MACROD2: variants seen among roughly 807,000 people sequenced by gnomAD.
The protein encoded by MACROD2 is mono-ADP ribosylhydrolase 2.
In MACROD2, 36 loss-of-function variants were observed where a neutral mutation model predicts 70.4. That is an observed-to-expected ratio of 0.51 (90% CI 0.39 to 0.68). The LOEUF (loss-of-function observed/expected upper bound fraction) is 0.68. Among genes scored for constraint, MACROD2 ranks in the 30% least tolerant of loss-of-function variants. The pLI, the probability that MACROD2 is intolerant of heterozygous loss-of-function variation, is 0.00. For missense variants in MACROD2, 496 were observed against 538.4 expected (o/e 0.92, Z 0.78); for synonymous variants, 172 against 178.8 (o/e 0.96, Z 0.30).
rs79141759 is a variant in MACROD2, at chr20:14,655,755, T to A, written c.302-29088T>A. Among the ~76,000 whole-genome samples, 282 of 152,314 alleles carry A rather than the reference T, an allele frequency of 1.9e-3. 1 individual carries two copies. The highest frequency in any genetic ancestry group is 6.5e-3 in the African/African-American group (271 of 41,554). ...GATTAACATAATAATCAAATAGAAA[T>A]TAACTTCCTGTGATTCATCAGTAAA... On this transcript the variant is annotated intron_variant, in intron 4 of 17. Coordinates refer to ENST00000684519, the MANE Select transcript of MACROD2 (RefSeq NM_001351661.2).
intron 3 of MACROD2, among the ~76,000 whole-genome samples, chr20:14,444,100 A>G (rs1421173681): frequency 6.6e-6 from 1 of 152,186 alleles, no homozygotes; most frequent in African/African-American, 2.4e-5. Context: ...TTATTCATAA[A>G]AACTATATAA....
intron 3 of MACROD2, among the ~76,000 whole-genome samples, chr20:14,396,033 G>T (rs1251433824): frequency 6.6e-6 from 1 of 152,170 alleles, no homozygotes; most frequent in African/African-American, 2.4e-5. Context: ...GGGACTACAG[G>T]TGTGTGCCAC....
intron 8 of MACROD2, among the ~76,000 whole-genome samples, chr20:15,739,777 G>C (rs2051077418): frequency 6.6e-6 from 1 of 152,102 alleles, no homozygotes; most frequent in South Asian, 2.1e-4. Context: ...ATGATAGAAG[G>C]GTAAGGAATG....
intron 11 of MACROD2, among the ~76,000 whole-genome samples, chr20:15,934,200 T>A (rs2065623126): frequency 3.3e-5 from 5 of 152,362 alleles, no homozygotes; most frequent in Admixed American, 2.6e-4. Flanking sequence ...TGAGCCCTAC[T>A]GTTTGCCAAG....
intron 6 of MACROD2, among the ~76,000 whole-genome samples, chr20:15,416,449 C>T (rs547514109): frequency 8.5e-5 from 13 of 152,268 alleles, no homozygotes; most frequent in South Asian, 2.1e-4. Flanking sequence ...ATTACCTTTA[C>T]GTATTGAATC....
At chr20:15,915,902 A>T (rs1286982790) in intron 10 of MACROD2, among the ~76,000 whole-genome samples, 1 of 152,168 alleles carries the variant, frequency 6.6e-6, no homozygotes, top group Non-Finnish European at 1.5e-5. Flanking sequence ...GTTTCTTGGA[A>T]GGAAATCCCC....
intron 2 of MACROD2, among the ~76,000 whole-genome samples, chr20:14,031,257 C>T (rs1395750312): frequency 2.6e-5 from 4 of 152,104 alleles, no homozygotes; most frequent in Non-Finnish European, 5.9e-5. Flanking sequence ...CTAGATTTCT[C>T]TGGTTTTATT....
chr20:15,695,760 T>C (rs2050359699), intron 8 of MACROD2, among the ~76,000 whole-genome samples: 1 of 151,750 alleles, frequency 6.6e-6, no homozygotes, highest in African/African-American at 2.4e-5. Flanking sequence ...AGAGGTCTTT[T>C]GACTCCTTTG....
At chr20:14,685,114 G>C in intron 5 of MACROD2, 155 bp downstream of exon 5, 1 of 523,430 alleles carries the variant, frequency 1.9e-6, no homozygotes, top group Non-Finnish European at 3.4e-6. Context: ...TGCTTTCCAA[G>C]TATGTCTCCA....
chr20:14,872,452 C>A (rs934642498), intron 5 of MACROD2, among the ~76,000 whole-genome samples: 7 of 152,086 alleles, frequency 4.6e-5, no homozygotes, highest in African/African-American at 1.7e-4. Context: ...GTTTCTCTCA[C>A]ATGATGTCTG....
intron 8 of MACROD2, among the ~76,000 whole-genome samples, chr20:15,835,322 TCCTC>T (rs2064101741): frequency 6.6e-6 from 1 of 152,100 alleles, no homozygotes; most frequent in Non-Finnish European, 1.5e-5. Context: ...ACAAATTTCT[TCCTC>T]CCCCCTTTTC....
At chr20:15,625,051 T>TAAAA (rs2049182997) in intron 8 of MACROD2, among the ~76,000 whole-genome samples, 1 of 152,188 alleles carries the variant, frequency 6.6e-6, no homozygotes, top group South Asian at 2.1e-4. Flanking sequence ...AGGGATAAAA[T>TAAAA]AAAACCCCCT....
At chr20:16,045,215 C>T (rs921061906) in intron 17 of MACROD2, among the ~76,000 whole-genome samples, 10 of 151,850 alleles carry the variant, frequency 6.6e-5, no homozygotes, top group Non-Finnish European at 1.0e-4. Context: ...GGGTTTGTTA[C>T]GTTGAATGAG....
intron 13 of MACROD2, among the ~76,000 whole-genome samples, chr20:15,976,700 T>C (rs1047879873): frequency 6.6e-6 from 1 of 152,184 alleles, no homozygotes; most frequent in Non-Finnish European, 1.5e-5. Context: ...GACACCTTGT[T>C]TTGTTTCTTC....
chr20:15,479,600 T>C (rs1475084027), intron 7 of MACROD2, among the ~76,000 whole-genome samples: 1 of 152,170 alleles, frequency 6.6e-6, no homozygotes, highest in East Asian at 1.9e-4. Context: ...CCCTTGGCAT[T>C]ATTATTATTT....
chr20:15,236,124 C>A (rs2077012115), intron 6 of MACROD2, among the ~76,000 whole-genome samples: 1 of 152,214 alleles, frequency 6.6e-6, no homozygotes, highest in African/African-American at 2.4e-5. Flanking sequence ...TTTTCAAATT[C>A]TCTAACTTGC....
rs772388704 is a variant in MACROD2 at position 15,967,579 on chromosome 20, A to C, written c.934A>C (p.Lys312Gln). The C allele has an allele frequency of 4.3e-6, 7 of 1,611,934 alleles. No homozygotes were observed. The highest frequency in any genetic ancestry group is 5.9e-6 in the Non-Finnish European group (7 of 1,179,106). The change falls in exon 13 of 18, where the codon AAA becomes CAA. Residue 312 changes from lysine (K) to glutamine (Q), a missense_variant. By Grantham distance (53) the Lys-to-Gln change is moderately conservative (BLOSUM62 1). Coordinates refer to ENST00000684519, the MANE Select transcript of MACROD2 (RefSeq NM_001351661.2). ...EDFAKDENITKGGEVTDHSVR... is the reference protein window; with the variant it reads ...EDFAKDENITQGGEVTDHSVR... The stretch of plus-strand genomic sequence containing the variant: ...TTTTGCAAAGGATGAAAATATTACA[A>C]AAGGCGGTGAAGTGACAGATCATTC...
chr20:14,854,170 C>G (rs915734618), intron 5 of MACROD2, among the ~76,000 whole-genome samples: 1 of 152,126 alleles, frequency 6.6e-6, no homozygotes, highest in African/African-American at 2.4e-5. Flanking sequence ...CGATAGCTTT[C>G]TAGCACATCC....
At chr20:15,489,538 T>A (rs1298962837) in intron 7 of MACROD2, among the ~76,000 whole-genome samples, 2 of 152,132 alleles carry the variant, frequency 1.3e-5, no homozygotes, top group Non-Finnish European at 2.9e-5. Context: ...CCACACACAC[T>A]CTGCAATGAA....
Sources: gnomAD v4.1 joint callset for allele counts (sites outside exome capture counted in the v4.1 genomes callset) on GRCh38, gnomAD v4.1.1 for gene constraint, MANE v1.5 for transcripts, NCBI Gene and HGNC (gene_info 2026-07-23, HGNC 2026-07-21) for gene names.